Variants in TNFRSF21 observed in about 807,000 individuals in gnomAD.
The protein encoded by TNFRSF21 is TNF receptor superfamily member 21.
In TNFRSF21, 19 loss-of-function variants were observed where a neutral mutation model predicts 45.6. That is an observed-to-expected ratio of 0.42 (90% CI 0.29 to 0.61). The LOEUF (loss-of-function observed/expected upper bound fraction) is 0.61, where lower values mean the gene tolerates loss of function less well. Ranked by LOEUF, TNFRSF21 falls within the 20% of genes least tolerant of loss-of-function variation. The probability of loss-of-function intolerance (pLI) is 0.23; values close to 1 mark genes in which losing one functional copy is unlikely to be tolerated. For synonymous variants in TNFRSF21, 314 were observed against 335.5 expected, an observed-to-expected ratio of 0.94 and a Z score of 0.70; for missense variants, 737 against 851.5, an observed-to-expected ratio of 0.87 and a Z score of 1.67.
chr6:47,247,915 G>A (rs1303081551), intron 4 of TNFRSF21, among the ~76,000 whole-genome samples: 1 of 152,156 alleles, frequency 6.6e-6, no homozygotes, highest in Non-Finnish European at 1.5e-5. Flanking sequence ...TTGGCGGTGG[G>A]TCCACTGGTT....
chr6:47,243,688 G>A (rs1764782036), intron 4 of TNFRSF21, among the ~76,000 whole-genome samples: 1 of 152,142 alleles, frequency 6.6e-6, no homozygotes, highest in Non-Finnish European at 1.5e-5. Flanking sequence ...AAAGTGCTGA[G>A]ATTATAGGTG....
Position 47,278,189 on chromosome 6 carries a change from T to C in TNFRSF21, c.1243+5749A>G, listed in dbSNP as rs1489015128. ...TAGCTCTGAAAAATAATTCTTACCA[T>C]CTATGGCAATTTAGTATAAAGAACC... On this transcript the variant is annotated intron_variant, in intron 3 of 5. Transcript: ENST00000296861. Among the ~76,000 whole-genome samples, 3 of 152,158 alleles carry C rather than the reference T, an allele frequency of 2.0e-5. No homozygotes were observed. In the East Asian group the frequency reaches 5.8e-4, roughly 29 times the overall value.
At chr6:47,286,721 C>G in intron 1 of TNFRSF21, 126 bp from the exon 2 acceptor site, 1 of 1,014,770 alleles carries the variant, frequency 9.9e-7, no homozygotes, top group Non-Finnish European at 1.4e-6. Flanking sequence ...CCGACCAGGA[C>G]TGCATCCTCT....
chr6:47,299,722 A>C (rs1035843095), intron 1 of TNFRSF21, among the ~76,000 whole-genome samples: 3 of 152,194 alleles, frequency 2.0e-5, no homozygotes, highest in African/African-American at 4.8e-5. Flanking sequence ...TCAAATTTGC[A>C]CCCAAGGACC....
chr6:47,286,029 G>A lies in TNFRSF21; in HGVS notation c.663C>T (p.Thr221=). 6.2e-7 allele frequency: 1 copy of A among 1,614,224 alleles called. No individual in the cohort carries two copies. Among genetic ancestry groups the A allele is most frequent in the South Asian group, 1.1e-5 (1 of 91,084 alleles). ...AGATGGCTGTGCCAGGGGAAGGTGA[G>A]GTGGAGCTGGAGAAGGACGGGAGTG... ...CGTLPSFSSS[T]SPSPGTAIFP... Residue 221 remains threonine (T), a synonymous_variant, in exon 2 of 6, where the codon ACC becomes ACT. Coordinates refer to ENST00000296861, the MANE Select transcript of TNFRSF21 (RefSeq NM_014452.5).
chr6:47,303,659 A>G (rs1375215378), intron 1 of TNFRSF21, among the ~76,000 whole-genome samples: 1 of 152,086 alleles, frequency 6.6e-6, no homozygotes, highest in Non-Finnish European at 1.5e-5. Flanking sequence ...GCCTGTACTC[A>G]CTGATATCTG....
chr6:47,282,868 T>C (rs1257143992), intron 3 of TNFRSF21, among the ~76,000 whole-genome samples: 2 of 152,214 alleles, frequency 1.3e-5, no homozygotes, highest in Admixed American at 6.5e-5. Flanking sequence ...ACTTAGTTTT[T>C]CCCTAAAACT....
At chr6:47,257,705 G>C (rs1765008300) in intron 3 of TNFRSF21, among the ~76,000 whole-genome samples, 1 of 152,192 alleles carries the variant, frequency 6.6e-6, no homozygotes, top group African/African-American at 2.4e-5. Context: ...CTGGACAGTG[G>C]AGAAATGGGT....
intron 4 of TNFRSF21, among the ~76,000 whole-genome samples, chr6:47,247,036 T>C (rs1764834712): frequency 6.6e-6 from 1 of 152,242 alleles, no homozygotes; most frequent in African/African-American, 2.4e-5. Context: ...TTTTCTTCTT[T>C]ATCCAGTACC....
intron 1 of TNFRSF21, among the ~76,000 whole-genome samples, chr6:47,305,640 A>G (rs1433694541): frequency 1.3e-5 from 2 of 152,186 alleles, no homozygotes; most frequent in African/African-American, 2.4e-5. Flanking sequence ...GGTAGCACTA[A>G]GCTACATGTC....
chr6:47,246,749 T>C (rs1764830901), intron 4 of TNFRSF21, among the ~76,000 whole-genome samples: 1 of 152,178 alleles, frequency 6.6e-6, no homozygotes, highest in South Asian at 2.1e-4. Context: ...TGGGGCTTCC[T>C]AGGCAGAAAC....
intron 3 of TNFRSF21, among the ~76,000 whole-genome samples, chr6:47,275,326 TA>T (rs1237426067): frequency 6.6e-6 from 1 of 152,086 alleles, no homozygotes; most frequent in Non-Finnish European, 1.5e-5. Flanking sequence ...TATGCAGCCA[TA>T]AAAAAGATGA....
intron 1 of TNFRSF21, among the ~76,000 whole-genome samples, chr6:47,308,801 T>G (rs897098004): frequency 6.6e-6 from 1 of 152,128 alleles, no homozygotes; most frequent in Non-Finnish European, 1.5e-5. Flanking sequence ...ATACAGAACC[T>G]GAGACCCCAC....
At chr6:47,309,373 T>C in intron 1 of TNFRSF21, 43 bp downstream of exon 1, 1 of 1,512,072 alleles carries the variant, frequency 6.6e-7, no homozygotes, top group Non-Finnish European at 8.8e-7. Flanking sequence ...CGGTTCCTTC[T>C]GCTCCGGCGC....
At chr6:47,236,230 AG>A (rs1764664680) in intron 4 of TNFRSF21, among the ~76,000 whole-genome samples, 1 of 152,118 alleles carries the variant, frequency 6.6e-6, no homozygotes, top group South Asian at 2.1e-4. Flanking sequence ...GGCCTCTCCT[AG>A]TAATTGACTT....
chr6:47,248,100 T>C (rs1332216433), intron 4 of TNFRSF21, among the ~76,000 whole-genome samples: 1 of 152,170 alleles, frequency 6.6e-6, no homozygotes, highest in Non-Finnish European at 1.5e-5. Context: ...GTTGTGGTTG[T>C]TTTTAATACC....
intron 1 of TNFRSF21, among the ~76,000 whole-genome samples, chr6:47,292,078 G>A (rs974218700): frequency 8.5e-5 from 13 of 152,182 alleles, no homozygotes; most frequent in Non-Finnish European, 1.6e-4. Context: ...TGATCTGGGA[G>A]TGAAACAATG....
intron 1 of TNFRSF21, among the ~76,000 whole-genome samples, chr6:47,305,206 T>C (rs1299309894): frequency 6.6e-6 from 1 of 152,198 alleles, no homozygotes; most frequent in Non-Finnish European, 1.5e-5. Flanking sequence ...TTATATACCA[T>C]ACGAATTGTA....
chr6:47,303,950 A>G (rs1383409600), intron 1 of TNFRSF21, among the ~76,000 whole-genome samples: 2 of 152,248 alleles, frequency 1.3e-5, no homozygotes, highest in Non-Finnish European at 2.9e-5. Context: ...TTGGGAACCA[A>G]ATTGATTCCT....
Sources: gnomAD v4.1 joint callset for allele counts (sites outside exome capture counted in the v4.1 genomes callset) on GRCh38, gnomAD v4.1.1 for gene constraint, MANE v1.5 for transcripts, NCBI Gene and HGNC (gene_info 2026-07-23, HGNC 2026-07-21) for gene names.